The following SGCZ variants were observed in gnomAD, a reference collection of about 807,000 sequenced individuals.
The protein encoded by SGCZ is zeta-sarcoglycan.
In SGCZ, 40 loss-of-function variants were observed where a neutral mutation model predicts 41.3. The observed-to-expected ratio is 0.97, with a 90% CI of 0.75 to 1.26. The LOEUF (loss-of-function observed/expected upper bound fraction) is 1.26, where lower values mean the gene tolerates loss of function less well. Ranked by LOEUF, SGCZ falls within the 50% of genes most tolerant of loss-of-function variation. The pLI, the probability that SGCZ is intolerant of heterozygous loss-of-function variation, is 0.00. For synonymous variants in SGCZ, 206 were observed against 137.5 expected (o/e 1.50, Z -3.49); for missense variants, 552 against 369.8 (o/e 1.49, Z -4.04).
chr8:14,846,806 A>T (rs1237294456), intron 1 of SGCZ, among the ~76,000 whole-genome samples: 1 of 151,514 alleles, frequency 6.6e-6, no homozygotes, highest in African/African-American at 2.4e-5. Flanking sequence ...GCAGTGGCTC[A>T]CTCCTGTAAT....
chr8:15,068,075 C>A (rs985604849), intron 1 of SGCZ, among the ~76,000 whole-genome samples: 1 of 152,088 alleles, frequency 6.6e-6, no homozygotes, highest in African/African-American at 2.4e-5. Context: ...CGAGCAGTGC[C>A]GTAAAAGATG....
intron 1 of SGCZ, among the ~76,000 whole-genome samples, chr8:14,995,598 A>C (rs1802189160): frequency 6.6e-6 from 1 of 152,166 alleles, no homozygotes; most frequent in Non-Finnish European, 1.5e-5. Context: ...TTCATGTCAT[A>C]ATGCACAGGG....
intron 1 of SGCZ, among the ~76,000 whole-genome samples, chr8:15,113,471 C>T (rs1401729922): frequency 2.6e-5 from 4 of 152,124 alleles, no homozygotes; most frequent in Non-Finnish European, 5.9e-5. Flanking sequence ...CATTTGTTTT[C>T]TCTTTCCCTG....
At chr8:15,105,889 C>T (rs1806806488) in intron 1 of SGCZ, among the ~76,000 whole-genome samples, 1 of 151,900 alleles carries the variant, frequency 6.6e-6, no homozygotes, top group Non-Finnish European at 1.5e-5. Context: ...ATAGCAACAA[C>T]AGCTTTTTGC....
intron 1 of SGCZ, among the ~76,000 whole-genome samples, chr8:15,166,242 TC>T (rs1365084036): frequency 2.0e-5 from 3 of 150,228 alleles, no homozygotes; most frequent in Admixed American, 6.7e-5. Context: ...CTTTTTTTTT[TC>T]TTTTTTTTTT....
intron 1 of SGCZ, among the ~76,000 whole-genome samples, chr8:14,698,219 A>C (rs1243825785): frequency 1.3e-5 from 2 of 151,974 alleles, no homozygotes; most frequent in African/African-American, 4.8e-5. Context: ...TAACCTAATA[A>C]AATTTGCTTT....
At chr8:14,185,154 C>A (rs561265234) in intron 4 of SGCZ, among the ~76,000 whole-genome samples, 327 of 152,238 alleles carry the variant, frequency 2.1e-3, no homozygotes, top group Middle Eastern at 6.8e-3. Context: ...GTAATCCCAG[C>A]ACTTTGGGAG....
intron 1 of SGCZ, among the ~76,000 whole-genome samples, chr8:14,618,786 T>A (rs1806190014): frequency 6.6e-6 from 1 of 152,074 alleles, no homozygotes; most frequent in African/African-American, 2.4e-5. Flanking sequence ...ACAGAGTATA[T>A]GTAATAATTT....
chr8:14,221,581 G>C (rs1806195500), intron 4 of SGCZ, among the ~76,000 whole-genome samples: 1 of 152,184 alleles, frequency 6.6e-6, no homozygotes, highest in South Asian at 2.1e-4. Flanking sequence ...TGGATTGTTT[G>C]AATTACCATT....
At chr8:14,541,363 A>G (rs1209019717) in intron 2 of SGCZ, among the ~76,000 whole-genome samples, 1 of 151,816 alleles carries the variant, frequency 6.6e-6, no homozygotes, top group Non-Finnish European at 1.5e-5. Context: ...ATGTGTTCTC[A>G]TTGTTCAGCT....
intron 2 of SGCZ, among the ~76,000 whole-genome samples, chr8:14,467,959 A>G (rs1004068984): frequency 6.7e-6 from 1 of 148,620 alleles, no homozygotes; most frequent in Non-Finnish European, 1.5e-5. Context: ...GAAACAAATA[A>G]TATATTAGAA....
At chr8:14,403,641 A>G (rs186251896) in intron 2 of SGCZ, among the ~76,000 whole-genome samples, 261 of 152,204 alleles carry the variant, frequency 1.7e-3, no homozygotes, top group African/African-American at 6.1e-3. Context: ...CAATTTATTT[A>G]TTTTAGTGTT....
chr8:14,869,475 C>A (rs1352696520), intron 1 of SGCZ, among the ~76,000 whole-genome samples: 1 of 152,232 alleles, frequency 6.6e-6, no homozygotes, highest in South Asian at 2.1e-4. Flanking sequence ...AACCCACAGC[C>A]AATATCATAC....
chr8:14,969,096 A>G (rs1801211996), intron 1 of SGCZ, among the ~76,000 whole-genome samples: 1 of 152,170 alleles, frequency 6.6e-6, no homozygotes, highest in South Asian at 2.1e-4. Context: ...ACTATGACCC[A>G]ATTAACACCG....
chr8:14,257,815 T>G (rs971915294), intron 3 of SGCZ, among the ~76,000 whole-genome samples: 4 of 152,178 alleles, frequency 2.6e-5, no homozygotes, highest in Admixed American at 2.0e-4. Flanking sequence ...CTTAGGAAGC[T>G]CTACATAACA....
At chr8:14,613,797 C>A (rs1158373424) in intron 1 of SGCZ, among the ~76,000 whole-genome samples, 1 of 151,982 alleles carries the variant, frequency 6.6e-6, no homozygotes, top group African/African-American at 2.4e-5. Context: ...ATGAAGTTGG[C>A]CACTCTTTTC....
chr8:14,955,160 C>T (rs541572596), intron 1 of SGCZ, among the ~76,000 whole-genome samples: 16 of 152,072 alleles, frequency 1.1e-4, no homozygotes, highest in African/African-American at 3.4e-4. Flanking sequence ...CCATATCCAG[C>T]GTAATTTAGT....
chr8:14,125,280 G>C (rs1301276080), intron 5 of SGCZ, among the ~76,000 whole-genome samples: 1 of 152,036 alleles, frequency 6.6e-6, no homozygotes, highest in Admixed American at 6.5e-5. Context: ...GAGGTGGGTG[G>C]TTCACAAGGT....
intron 2 of SGCZ, among the ~76,000 whole-genome samples, chr8:14,455,448 G>A (rs1189715152): frequency 7.9e-6 from 1 of 126,528 alleles, no homozygotes; most frequent in Non-Finnish European, 1.7e-5. Context: ...AGGGACATTT[G>A]CATGCATACA....
Sources: gnomAD v4.1 joint callset for allele counts (sites outside exome capture counted in the v4.1 genomes callset) on GRCh38, gnomAD v4.1.1 for gene constraint, MANE v1.5 for transcripts, NCBI Gene and HGNC (gene_info 2026-07-23, HGNC 2026-07-21) for gene names.